Variants in MBTD1 observed in about 807,000 individuals in gnomAD.
MBTD1 encodes the protein mbt domain containing 1, also known as MBT domain-containing protein 1.
MBTD1 carries 24 observed loss-of-function variants against 87.8 expected under a neutral mutation model. The ratio of observed to expected loss-of-function variants is 0.27; its 90% CI spans 0.20 to 0.38. MBTD1 has a LOEUF of 0.38. MBTD1 is among the 10% of genes least tolerant of loss of function. The pLI is 1.00. For missense variants in MBTD1, 436 were observed against 760.2 expected (o/e 0.57, Z 5.02); for synonymous variants, 237 against 248.6 (o/e 0.95, Z 0.44).
At chr17:51,258,340 AAGG>A (rs2055214494) in intron 2 of MBTD1, among the ~76,000 whole-genome samples, 1 of 152,234 alleles carries the variant, frequency 6.6e-6, no homozygotes, top group African/African-American at 2.4e-5. Context: ...TCACCAAATG[AAGG>A]AGAATGTTAG....
rs1165737266 is a variant in MBTD1 at position 51,179,511 on chromosome 17, T to TATATATTC, written c.*1064_*1065insGAATATAT. 9.2e-4 allele frequency: 91 copies of TATATATTC among 98,498 alleles called. 1 individual carries two copies. The highest frequency in any genetic ancestry group is 3.5e-3 in the African/African-American group (88 of 25,462). The allele number at this position is 98,498 out of a possible 1,614,324, so 6.1% of individuals were successfully genotyped here. On this transcript the variant is annotated 3_prime_UTR_variant, in exon 17 of 17. Transcript: ENST00000586178. ...ATATATATATATATATATATATATA[T>TATATATTC]ATATATATATATATATATATATATA...
At chr17:51,219,521 T>C (rs1374224665) in intron 4 of MBTD1, among the ~76,000 whole-genome samples, 2 of 152,204 alleles carry the variant, frequency 1.3e-5, no homozygotes, top group African/African-American at 4.8e-5. Flanking sequence ...AAATTCACAG[T>C]GTGACAAACT....
At position 51,217,370 on chromosome 17, in the gene MBTD1, A is replaced by G. The variant is rs1311483741; in HGVS notation, c.450T>C (p.Asn150=). 4 of 1,540,494 alleles carry G rather than the reference A, an allele frequency of 2.6e-6. No individual in the cohort carries two copies. In the African/African-American group the frequency reaches 5.5e-5, roughly 21 times the overall value. ...GFSWGNYINS[N]SFIAAPVTCF... ...AGGTAACCGGAGCTGCTATAAAGCT[A>G]TTGCTATTGATGTAGTTACCCCAGC... Residue 150 remains asparagine (N), a synonymous_variant, in exon 6 of 17, where the codon AAT becomes AAC. Transcript: ENST00000586178.
At chr17:51,187,652 C>T (rs753623381) in intron 16 of MBTD1, among the ~76,000 whole-genome samples, 1 of 152,100 alleles carries the variant, frequency 6.6e-6, no homozygotes, top group Non-Finnish European at 1.5e-5. Flanking sequence ...GAGTTCAAGA[C>T]CAGCCTGGCC....
chr17:51,250,361 T>C (rs2054705469), intron 2 of MBTD1: 1 of 152,222 alleles, frequency 6.6e-6, no homozygotes, highest in Admixed American at 6.5e-5. Context: ...TCACAGTCTT[T>C]TTGTAGGAAA....
At chr17:51,243,314 A>C (rs1003032765) in intron 2 of MBTD1, among the ~76,000 whole-genome samples, 3 of 149,036 alleles carry the variant, frequency 2.0e-5, no homozygotes, top group African/African-American at 7.4e-5. Context: ...TAAGCTCTCT[A>C]TTTGGAAGTA....
intron 13 of MBTD1, among the ~76,000 whole-genome samples, chr17:51,194,979 T>C (rs1037442791): frequency 4.6e-5 from 7 of 152,192 alleles, no homozygotes; most frequent in African/African-American, 9.6e-5. Flanking sequence ...CCAATTCATA[T>C]TATAAAATAC....
At chr17:51,195,434 A>G (rs2051043642) in intron 12 of MBTD1, 73 bp from the exon 13 acceptor site, 2 of 1,223,822 alleles carry the variant, frequency 1.6e-6, no homozygotes, top group Non-Finnish European at 2.3e-6. Flanking sequence ...TTGACATTCT[A>G]AAAGAAAGGA....
chr17:51,194,600 T>G (rs1224869484), intron 13 of MBTD1, among the ~76,000 whole-genome samples: 1 of 98,158 alleles, frequency 1.0e-5, no homozygotes, highest in Non-Finnish European at 1.9e-5. Flanking sequence ...AAAGTCCACA[T>G]GGCTAAGTGT....
chr17:51,231,918 A>G (rs1271883202), intron 2 of MBTD1, among the ~76,000 whole-genome samples: 1 of 152,008 alleles, frequency 6.6e-6, no homozygotes, highest in Non-Finnish European at 1.5e-5. Context: ...ATTAATATAT[A>G]AACTATAATT....
upstream of MBTD1, chr17:51,260,905 G>C (rs2055444280): frequency 2.5e-6 from 4 of 1,590,814 alleles, no homozygotes; most frequent in Non-Finnish European, 2.6e-6. Context: ...ACGCGTTGCT[G>C]CGGCGTCTGC....
At chr17:51,252,681 C>T (rs769716698) in intron 2 of MBTD1, among the ~76,000 whole-genome samples, 1 of 151,832 alleles carries the variant, frequency 6.6e-6, no homozygotes, top group Non-Finnish European at 1.5e-5. Context: ...TTGCAGAGAG[C>T]CAAGATTGAG....
At chr17:51,204,855 T>C (rs974058738) in intron 7 of MBTD1, among the ~76,000 whole-genome samples, 8 of 152,192 alleles carry the variant, frequency 5.3e-5, no homozygotes, top group African/African-American at 1.9e-4. Flanking sequence ...GGCCAATTAC[T>C]CCTGGGTAAT....
At chr17:51,201,311 G>T (rs930684884) in intron 12 of MBTD1, among the ~76,000 whole-genome samples, 1 of 152,106 alleles carries the variant, frequency 6.6e-6, no homozygotes, top group African/African-American at 2.4e-5. Context: ...ATTCTGAATT[G>T]GACTAGCCTT....
chr17:51,200,109 G>T (rs987356453), intron 12 of MBTD1, among the ~76,000 whole-genome samples: 3 of 152,174 alleles, frequency 2.0e-5, no homozygotes, highest in African/African-American at 7.2e-5. Flanking sequence ...ACAAGTGTGA[G>T]CTACCATGCC....
intron 15 of MBTD1, 43 bp from the exon 16 acceptor site, chr17:51,192,323 C>A: frequency 7.4e-7 from 1 of 1,353,102 alleles, no homozygotes; most frequent in Non-Finnish European, 1.0e-6. Context: ...TAATTGTTTA[C>A]AATTTAGACG....
At chr17:51,217,478 TCA>T in intron 5 of MBTD1, 62 bp from the exon 6 acceptor site, 1 of 789,320 alleles carries the variant, frequency 1.3e-6, no homozygotes, top group Non-Finnish European at 2.0e-6. Flanking sequence ...AAGAAGGTTA[TCA>T]TTGTTAAAAT....
At chr17:51,201,947 G>A (rs766086318) in intron 11 of MBTD1, 75 bp downstream of exon 11, 13 of 1,061,132 alleles carry the variant, frequency 1.2e-5, no homozygotes, top group Middle Eastern at 2.3e-4. Context: ...TGTGATTTCC[G>A]TAATTTTAGG....
At chr17:51,220,560 T>A in intron 3 of MBTD1, 97 bp from the exon 4 acceptor site, 1 of 1,217,458 alleles carries the variant, frequency 8.2e-7, no homozygotes. Flanking sequence ...CTGAAAGTTT[T>A]AATTAAAAAA....
Sources: allele counts gnomAD v4.1 joint callset (sites outside exome capture counted in the v4.1 genomes callset), GRCh38; gene constraint gnomAD v4.1.1; transcripts MANE v1.5; gene names NCBI Gene and HGNC (gene_info 2026-07-23, HGNC 2026-07-21).